Variants in CRYL1 observed in about 807,000 individuals in gnomAD.
CRYL1 encodes the protein crystallin lambda 1.
A neutral mutation model predicts 36.6 loss-of-function variants in CRYL1; 29 were observed. The ratio of observed to expected loss-of-function variants is 0.79; its 90% CI spans 0.59 to 1.08. The LOEUF (loss-of-function observed/expected upper bound fraction) is 1.08. Among genes scored for constraint, CRYL1 ranks in the 50% least tolerant of loss-of-function variants. The probability of loss-of-function intolerance (pLI) is 0.00; values close to 1 mark genes in which losing one functional copy is unlikely to be tolerated. For missense variants in CRYL1, 411 were observed against 407.9 expected (o/e 1.01, Z -0.06); for synonymous variants, 152 against 151.5 (o/e 1.00, Z -0.02).
intron 3 of CRYL1, among the ~76,000 whole-genome samples, chr13:20,487,089 T>C (rs909424279): frequency 6.6e-6 from 1 of 152,182 alleles, no homozygotes; most frequent in Non-Finnish European, 1.5e-5. Flanking sequence ...TCAGTTAGGG[T>C]AGTTTTGGAT....
rs57209647 is a variant in CRYL1 at position 20,466,682 on chromosome 13, CTGTGTGTGTG to C, written c.276+22678_276+22687del. Among the ~76,000 whole-genome samples, 5 of 129,580 alleles carry C rather than the reference CTGTGTGTGTG, an allele frequency of 3.9e-5. No individual in the cohort carries two copies. In the South Asian group the frequency reaches 1.6e-3, roughly 41 times the overall value. The allele number at this position is 129,580 out of a possible 152,430, so 85.0% of individuals were successfully genotyped here. ...AACTGGTATATTACTTTGGAAAACT[CTGTGTGTGTG>C]TGTGTGTGTGTGTGTGTGTAGTTGA... On this transcript the variant is annotated intron_variant, in intron 3 of 7. Transcript: ENST00000298248.
chr13:20,489,541 A>C (rs1444147184), intron 2 of CRYL1, 45 bp from the exon 3 acceptor site: 1 of 1,604,294 alleles, frequency 6.2e-7, no homozygotes, highest in Admixed American at 1.7e-5. Context: ...TCAACACCAC[A>C]TTTAAAAACA....
intron 1 of CRYL1, among the ~76,000 whole-genome samples, chr13:20,520,219 T>C (rs1361789336): frequency 1.3e-5 from 2 of 152,096 alleles, no homozygotes; most frequent in African/African-American, 2.4e-5. Context: ...CTGGAGACAA[T>C]ATGGATAAGT....
At chr13:20,474,205 A>G (rs1329245568) in intron 3 of CRYL1, among the ~76,000 whole-genome samples, 1 of 152,182 alleles carries the variant, frequency 6.6e-6, no homozygotes, top group African/African-American at 2.4e-5. Context: ...TGCTGACAAT[A>G]TATTTTTCAT....
chr13:20,420,993 A>C (rs1041022327), intron 5 of CRYL1, among the ~76,000 whole-genome samples: 1 of 152,006 alleles, frequency 6.6e-6, no homozygotes, highest in African/African-American at 2.4e-5. Flanking sequence ...TTGGCCTCCC[A>C]AAATCCTGGG....
intron 3 of CRYL1, among the ~76,000 whole-genome samples, chr13:20,476,689 A>G (rs1399352970): frequency 6.6e-6 from 1 of 152,212 alleles, no homozygotes; most frequent in African/African-American, 2.4e-5. Context: ...TTTCATTAAC[A>G]TGAAGCTCCC....
At chr13:20,423,504 C>CA (rs772127574) in intron 5 of CRYL1, among the ~76,000 whole-genome samples, 10 of 152,172 alleles carry the variant, frequency 6.6e-5, no homozygotes, top group Non-Finnish European at 1.3e-4. Flanking sequence ...GCTTTTTCTG[C>CA]ATCTGTTGAG....
chr13:20,420,701 T>TTTTTTTTTTTTTTTTTTTTTTTGTGTGTG, intron 5 of CRYL1, among the ~76,000 whole-genome samples: 2 of 21,838 alleles, frequency 9.2e-5, no homozygotes, highest in Non-Finnish European at 1.4e-4. Context: ...AAAATAGAGG[T>TTTTTTTTTTTTTTTTTTTTTTTGTGTGTG]TGTGTGTGTG....
intron 3 of CRYL1, among the ~76,000 whole-genome samples, chr13:20,453,361 G>A (rs2032610636): frequency 6.9e-6 from 1 of 144,292 alleles, no homozygotes; most frequent in Admixed American, 7.2e-5. Flanking sequence ...CAGTCAAGGT[G>A]AAATTCTCAT....
At chr13:20,408,337 G>A (rs1158589095) in intron 6 of CRYL1, among the ~76,000 whole-genome samples, 2 of 152,078 alleles carry the variant, frequency 1.3e-5, no homozygotes, top group East Asian at 3.9e-4. Context: ...AAAAAGGCAA[G>A]TGTCTACACA....
At chr13:20,507,774 T>C (rs530068914) in intron 2 of CRYL1, among the ~76,000 whole-genome samples, 81 of 151,902 alleles carry the variant, frequency 5.3e-4, no homozygotes, top group East Asian at 4.1e-3. Context: ...AAAAATTAGC[T>C]GGGCGTGGTG....
In CRYL1 at chr13:20,415,503, G is replaced by A. The variant is rs1246505276; in HGVS notation, c.634-2116C>T. Among the ~76,000 whole-genome samples the A allele has an allele frequency of 6.6e-6, 1 of 152,216 alleles. No homozygotes were observed. The highest frequency in any genetic ancestry group is 1.5e-5 in the Non-Finnish European group (1 of 68,026). ...AGCAGGCGGCCTGGCCCAGGAGCCA[G>A]GACGGCCACAGCCACGCCACCACCG... is the stretch of plus-strand genomic sequence containing the variant. On this transcript the variant is annotated intron_variant, in intron 5 of 7. Coordinates refer to ENST00000298248, the MANE Select transcript of CRYL1 (RefSeq NM_015974.3). The surrounding 1 kb of genome is among the most constrained non-coding windows in gnomAD (Gnocchi z 4.1).
At chr13:20,475,008 C>A (rs763604664) in intron 3 of CRYL1, among the ~76,000 whole-genome samples, 5 of 152,170 alleles carry the variant, frequency 3.3e-5, no homozygotes, top group African/African-American at 1.2e-4. Flanking sequence ...TGGACCCGTG[C>A]GCAGCCTCCT....
At chr13:20,477,358 T>C (rs910118568) in intron 3 of CRYL1, among the ~76,000 whole-genome samples, 11 of 151,412 alleles carry the variant, frequency 7.3e-5, no homozygotes, top group African/African-American at 2.7e-4. Flanking sequence ...TTTATATATA[T>C]ATATAATATT....
rs1593435629 is a variant in CRYL1 at position 20,425,740 on chromosome 13, C to T, written c.633+6362G>A. Reference sequence around the variant, plus strand: ...TAGAACATGTTCATGCCCTTGGCTCCCCTTTGTGTAACCTCCCAGTCTGCC... The same window carrying T: ...TAGAACATGTTCATGCCCTTGGCTCTCCTTTGTGTAACCTCCCAGTCTGCC... On this transcript the variant is annotated intron_variant, in intron 5 of 7. Transcript: ENST00000298248. This position sits in a 1 kb window ranked among gnomAD's most constrained non-coding sequence, Gnocchi z 4.4. Among the ~76,000 whole-genome samples the T allele has an allele frequency of 6.6e-6, 1 of 152,224 alleles. No individual in the cohort carries two copies. The highest frequency in any genetic ancestry group is 6.5e-5 in the Admixed American group (1 of 15,294).
At chr13:20,474,627 TG>T (rs1431763599) in intron 3 of CRYL1, among the ~76,000 whole-genome samples, 3 of 152,046 alleles carry the variant, frequency 2.0e-5, no homozygotes, top group Non-Finnish European at 4.4e-5. Flanking sequence ...GAGGATACCT[TG>T]GGAAGAAATA....
rs549009406 is a variant in CRYL1, at chr13:20,438,652, C to G, written c.438+941G>C. 1.1e-4 allele frequency among the ~76,000 whole-genome samples: 17 copies of G among 152,334 alleles called. No individual in the cohort carries two copies. The South Asian group carries it at 3.3e-3, about 30-fold the overall frequency. ...GCTCTTCCCCAGCCTCAGACCCTCTCTTCCCTTCATCAGCCCAACTAGGTC... is the reference window on the plus strand; with the variant it reads ...GCTCTTCCCCAGCCTCAGACCCTCTGTTCCCTTCATCAGCCCAACTAGGTC... On this transcript the variant is annotated intron_variant, in intron 4 of 7. Transcript: ENST00000298248.
intron 3 of CRYL1, among the ~76,000 whole-genome samples, chr13:20,441,630 G>A (rs962895360): frequency 5.9e-5 from 9 of 152,164 alleles, no homozygotes; most frequent in African/African-American, 2.2e-4. Flanking sequence ...AACAAGAAAT[G>A]TGCAAATGTG....
chr13:20,456,245 G>A (rs183868728), intron 3 of CRYL1, among the ~76,000 whole-genome samples: 76 of 152,078 alleles, frequency 5.0e-4, no homozygotes, highest in African/African-American at 1.8e-3. Flanking sequence ...AGGCCGAGGC[G>A]GGCGTATCAC....
Sources: gnomAD v4.1 joint callset for allele counts (sites outside exome capture counted in the v4.1 genomes callset) on GRCh38, gnomAD v4.1.1 for gene constraint, Gnocchi (gnomAD v3.1) non-coding constraint, MANE v1.5 for transcripts, NCBI Gene and HGNC (gene_info 2026-07-23, HGNC 2026-07-21) for gene names.